The following DNAAF5 variants were observed in gnomAD, a reference collection of about 807,000 sequenced individuals.
DNAAF5 encodes HEAT repeat containing 2.
Under a neutral mutation model 75.8 loss-of-function variants are expected in DNAAF5, and 64 were observed. That is an observed-to-expected ratio of 0.84 (90% CI 0.69 to 1.04). The LOEUF (loss-of-function observed/expected upper bound fraction) is 1.04. Ranked by LOEUF, DNAAF5 falls within the 50% of genes least tolerant of loss-of-function variation. The pLI is 0.00. For synonymous variants in DNAAF5, 657 were observed against 557.2 expected (o/e 1.18, Z -2.52); for missense variants, 1,269 against 1,178.5 (o/e 1.08, Z -1.12).
chr7:776,188 T>A (rs1353057145), intron 11 of DNAAF5, among the ~76,000 whole-genome samples: 1 of 152,026 alleles, frequency 6.6e-6, no homozygotes, highest in Admixed American at 6.6e-5. Flanking sequence ...ATAAAAAAAT[T>A]AGCTGGACAT....
In DNAAF5 at chr7:774,952, C is replaced by T. The variant is rs575463027; in HGVS notation, c.2083-54C>T. 3.8e-6 allele frequency: 6 copies of T among 1,561,964 alleles called. 1 individual carries two copies. In the South Asian group the frequency reaches 4.5e-5, roughly 12 times the overall value. The stretch of plus-strand genomic sequence containing the variant: ...AGGAGTGCACGGATGGTGAGCACCC[C>T]CACCCCACCCCAGGACAGATGTGAG... On this transcript the variant is annotated intron_variant, in intron 10 of 12. Transcript: ENST00000297440.
At chr7:785,325 A>G (rs567050073) in intron 12 of DNAAF5, among the ~76,000 whole-genome samples, 192 bp from the exon 13 acceptor site, 2 of 151,310 alleles carry the variant, frequency 1.3e-5, no homozygotes, top group East Asian at 3.9e-4. Context: ...GCGTCAGGTC[A>G]TTCGTCCCCA....
rs2128080111 is a variant in DNAAF5 at position 761,049 on chromosome 7, A to C, written c.1471-704A>C. The stretch of plus-strand genomic sequence containing the variant: ...GGCGGGGAGAACTTGGGCATGTTGT[A>C]AAGCAGATAATGCAGTGCGCCGTCA... On this transcript the variant is annotated intron_variant, in intron 6 of 12. Coordinates refer to ENST00000297440, the MANE Select transcript of DNAAF5 (RefSeq NM_017802.4). Among the ~76,000 whole-genome samples the C allele has an allele frequency of 1.3e-5, 2 of 152,328 alleles. 1 individual carries two copies. The highest frequency in any genetic ancestry group is 6.8e-3 in the Middle Eastern group (2 of 294).
chr7:733,663 A>AT (rs1293451192), intron 2 of DNAAF5, among the ~76,000 whole-genome samples: 2 of 151,952 alleles, frequency 1.3e-5, no homozygotes, highest in East Asian at 3.9e-4. Flanking sequence ...CACCTGGCTA[A>AT]TTTTTTGTGT....
In DNAAF5 at chr7:754,975, A is replaced by G. The variant is rs1431766420; in HGVS notation, c.1257+154A>G. On this transcript the variant is annotated intron_variant, in intron 5 of 12. Transcript: ENST00000297440. This position sits in a 1 kb window ranked among gnomAD's most constrained non-coding sequence, Gnocchi z 4.8. ...CCCTCCCCACACCCAGCCCCTGGGA[A>G]CAACTGATCTCCTTTCTGTGCCCGT... is the stretch of plus-strand genomic sequence containing the variant. Among the ~76,000 whole-genome samples the G allele has an allele frequency of 6.6e-6, 1 of 152,238 alleles. No individual in the cohort carries two copies. Among genetic ancestry groups the G allele is most frequent in the Non-Finnish European group, 1.5e-5 (1 of 68,040 alleles).
At chr7:776,518 G>A (rs1047619298) in intron 11 of DNAAF5, among the ~76,000 whole-genome samples, 5 of 151,230 alleles carry the variant, frequency 3.3e-5, no homozygotes, top group Non-Finnish European at 7.4e-5. Flanking sequence ...GCCGGGAAGG[G>A]GGACCTCAGG....
At chr7:769,227 A>T in intron 8 of DNAAF5, 1 of 762,582 alleles carries the variant, frequency 1.3e-6, no homozygotes, top group Non-Finnish European at 2.4e-6. Flanking sequence ...TTGCTTGGAT[A>T]AGCCAGTGGA....
At chr7:777,920 G>A (rs935833614) in intron 11 of DNAAF5, among the ~76,000 whole-genome samples, 5 of 152,184 alleles carry the variant, frequency 3.3e-5, no homozygotes, top group East Asian at 1.9e-4. Context: ...GAGAGGTGCC[G>A]AGTGGGCCGA....
At position 754,475 on chromosome 7, in the gene DNAAF5, T is replaced by C. The variant is rs558231807; in HGVS notation, c.1025-114T>C. On this transcript the variant is annotated intron_variant, in intron 4 of 12. Coordinates refer to ENST00000297440, the MANE Select transcript of DNAAF5 (RefSeq NM_017802.4). This position sits in a 1 kb window ranked among gnomAD's most constrained non-coding sequence, Gnocchi z 4.8. The stretch of plus-strand genomic sequence containing the variant: ...CTTTGCGTCCACCCCAAGACTTGTT[T>C]TGAAATGGTGAGGTTGAAACTCACA... 3.8e-5 allele frequency: 34 copies of C among 888,134 alleles called. 2 individuals carry two copies. The South Asian group carries it at 5.1e-4, about 13-fold the overall frequency. The allele number at this position is 888,134 out of a possible 1,614,324, so 55.0% of individuals were successfully genotyped here. A position where few individuals can be genotyped will look rare whatever the true frequency, so the allele number is the denominator to read the frequency against.
chr7:745,373 A>G (rs74579534), intron 4 of DNAAF5, among the ~76,000 whole-genome samples: 2,245 of 152,290 alleles, frequency 0.015, 35 homozygotes, highest in East Asian at 0.11. Context: ...GGAAGGTACG[A>G]TCTATGATCC....
intron 12 of DNAAF5, among the ~76,000 whole-genome samples, chr7:783,166 C>A (rs1383225987): frequency 6.6e-6 from 1 of 152,254 alleles, no homozygotes; most frequent in Non-Finnish European, 1.5e-5. Flanking sequence ...CTGCCAGATC[C>A]CGCGTCCGCA....
At chr7:746,685 C>T (rs988519240) in intron 4 of DNAAF5, among the ~76,000 whole-genome samples, 3 of 151,930 alleles carry the variant, frequency 2.0e-5, no homozygotes, top group African/African-American at 4.8e-5. Flanking sequence ...ATCCTGCCAC[C>T]CCCTGCCCAC....
chr7:760,202 T>C (rs559090294), intron 6 of DNAAF5, among the ~76,000 whole-genome samples: 4 of 152,288 alleles, frequency 2.6e-5, no homozygotes, highest in Non-Finnish European at 4.4e-5. Flanking sequence ...AACGCTGCTG[T>C]AGTACAGTGG....
chr7:777,954 C>T (rs1303238723), intron 11 of DNAAF5, among the ~76,000 whole-genome samples: 1 of 152,064 alleles, frequency 6.6e-6, no homozygotes, highest in Non-Finnish European at 1.5e-5. Flanking sequence ...TTTTCTGAAT[C>T]CCAGGAGAAG....
chr7:729,889 C>T (rs1781512142), intron 2 of DNAAF5, 42 bp downstream of exon 2: 1 of 1,593,718 alleles, frequency 6.3e-7, no homozygotes, highest in East Asian at 2.2e-5. Flanking sequence ...CTCTCTCCAA[C>T]ACAGGCGGGC....
chr7:753,751 C>T (rs1393189519), intron 4 of DNAAF5, among the ~76,000 whole-genome samples: 1 of 136,608 alleles, frequency 7.3e-6, no homozygotes. Context: ...TCTCTCTGAT[C>T]ATATGGCGAC....
At chr7:741,937 A>G (rs1253517041) in intron 4 of DNAAF5, among the ~76,000 whole-genome samples, 1 of 152,148 alleles carries the variant, frequency 6.6e-6, no homozygotes, top group African/African-American at 2.4e-5. Context: ...ATGGTTCCAC[A>G]TGATTTCCAA....
chr7:770,213 A>G lies in DNAAF5; in HGVS notation c.1784-258A>G, dbSNP rs185920353. Among the ~76,000 whole-genome samples, 997 of 152,300 alleles carry G rather than the reference A, an allele frequency of 6.5e-3. 4 individuals carry two copies. Among genetic ancestry groups the G allele is most frequent in the South Asian group, 0.028 (137 of 4,826 alleles). ...GTGATCCTCCCTCCTTGGCCTCCCA[A>G]AGTGCTGGGATTATAGGCATGAGCC... is the stretch of plus-strand genomic sequence containing the variant. On this transcript the variant is annotated intron_variant, in intron 8 of 12. Coordinates refer to ENST00000297440, the MANE Select transcript of DNAAF5 (RefSeq NM_017802.4).
intron 12 of DNAAF5, among the ~76,000 whole-genome samples, chr7:780,702 G>A (rs1394416506): frequency 2.6e-5 from 4 of 152,244 alleles, no homozygotes; most frequent in Admixed American, 6.5e-5. Context: ...GACACAGGCC[G>A]TCCCTTGAAG....
Sources: gnomAD v4.1 joint callset for allele counts (sites outside exome capture counted in the v4.1 genomes callset) on GRCh38, gnomAD v4.1.1 for gene constraint, Gnocchi (gnomAD v3.1) non-coding constraint, MANE v1.5 for transcripts, NCBI Gene and HGNC (gene_info 2026-07-23, HGNC 2026-07-21) for gene names.